Variants in GRM3 observed in about 807,000 individuals in gnomAD.
The protein encoded by GRM3 is metabotropic glutamate receptor 3.
GRM3 carries 26 observed loss-of-function variants against 70.5 expected under a neutral mutation model. The ratio of observed to expected loss-of-function variants is 0.37; its 90% CI spans 0.27 to 0.51. The LOEUF (loss-of-function observed/expected upper bound fraction) is 0.51. Among genes scored for constraint, GRM3 ranks in the 20% least tolerant of loss-of-function variants. The pLI is 0.93. For synonymous variants in GRM3, 443 were observed against 434.9 expected, an observed-to-expected ratio of 1.02 and a Z score of -0.23; for missense variants, 859 against 1,123.8, an observed-to-expected ratio of 0.76 and a Z score of 3.37.
chr7:86,692,044 C>T (rs976721184), intron 1 of GRM3, among the ~76,000 whole-genome samples: 1 of 152,134 alleles, frequency 6.6e-6, no homozygotes, highest in East Asian at 1.9e-4. Context: ...TACAAGTTAA[C>T]ATGTGATTTC....
At chr7:86,662,520 C>G (rs1423959102) in intron 1 of GRM3, among the ~76,000 whole-genome samples, 1 of 151,602 alleles carries the variant, frequency 6.6e-6, no homozygotes, top group Admixed American at 6.6e-5. Context: ...TAGTGTTTGC[C>G]TTTGTATCAC....
intron 3 of GRM3, among the ~76,000 whole-genome samples, chr7:86,834,566 G>A (rs1336141652): frequency 6.7e-6 from 1 of 149,888 alleles, no homozygotes; most frequent in Non-Finnish European, 1.5e-5. Context: ...TTCACATCCT[G>A]CACTGCTCTG....
intron 1 of GRM3, among the ~76,000 whole-genome samples, chr7:86,678,763 G>T (rs943528943): frequency 6.6e-6 from 1 of 151,974 alleles, no homozygotes; most frequent in Admixed American, 6.6e-5. Flanking sequence ...TTTCCAGAAT[G>T]GACCTTTAAG....
intron 1 of GRM3, among the ~76,000 whole-genome samples, chr7:86,747,447 A>T (rs929235854): frequency 6.6e-6 from 1 of 152,118 alleles, no homozygotes; most frequent in Non-Finnish European, 1.5e-5. Flanking sequence ...TTACATGGGC[A>T]ATGGTGATAT....
intron 3 of GRM3, among the ~76,000 whole-genome samples, chr7:86,834,162 A>G (rs573848742): frequency 5.3e-5 from 8 of 152,290 alleles, no homozygotes; most frequent in Admixed American, 3.3e-4. Flanking sequence ...TAGTTTTTAC[A>G]GGAATATAAA....
intron 3 of GRM3, among the ~76,000 whole-genome samples, chr7:86,817,868 C>T (rs1022591882): frequency 9.2e-5 from 14 of 152,000 alleles, no homozygotes; most frequent in African/African-American, 3.4e-4. Context: ...CCAGAAGCAA[C>T]TTATACCACA....
chr7:86,854,700 G>A (rs1300901994), intron 5 of GRM3, among the ~76,000 whole-genome samples: 1 of 152,106 alleles, frequency 6.6e-6, no homozygotes, highest in Non-Finnish European at 1.5e-5. Context: ...GTTTGTAACA[G>A]ACACCCCAGC....
intron 1 of GRM3, among the ~76,000 whole-genome samples, chr7:86,724,582 A>G (rs2116246135): frequency 6.6e-6 from 1 of 152,302 alleles, no homozygotes; most frequent in Non-Finnish European, 1.5e-5. Flanking sequence ...AATGAGTACC[A>G]AAATCAGCTG....
intron 3 of GRM3, among the ~76,000 whole-genome samples, chr7:86,809,025 A>T (rs1797856553): frequency 6.6e-6 from 1 of 152,092 alleles, no homozygotes; most frequent in African/African-American, 2.4e-5. Flanking sequence ...TTAAATTATG[A>T]TTATATATCA....
chr7:86,662,961 A>G (rs1251564211), intron 1 of GRM3, among the ~76,000 whole-genome samples: 1 of 152,000 alleles, frequency 6.6e-6, no homozygotes, highest in East Asian at 1.9e-4. Context: ...AAAGCAGCAC[A>G]TTAAATTTAA....
At chr7:86,681,738 A>G (rs1794446228) in intron 1 of GRM3, among the ~76,000 whole-genome samples, 2 of 152,076 alleles carry the variant, frequency 1.3e-5, no homozygotes, top group Admixed American at 1.3e-4. Flanking sequence ...ATCTCTTCAT[A>G]CTCTTATATT....
chr7:86,741,752 G>A (rs1386424176), intron 1 of GRM3, among the ~76,000 whole-genome samples: 1 of 152,078 alleles, frequency 6.6e-6, no homozygotes, highest in Non-Finnish European at 1.5e-5. Flanking sequence ...AAAATATCCA[G>A]CTCTGGAATA....
At chr7:86,823,028 G>C (rs1187156205) in intron 3 of GRM3, among the ~76,000 whole-genome samples, 1 of 152,138 alleles carries the variant, frequency 6.6e-6, no homozygotes, top group Non-Finnish European at 1.5e-5. Context: ...ATGCAATGAA[G>C]TGATGGGATG....
At chr7:86,825,781 C>T (rs1045346645) in intron 3 of GRM3, among the ~76,000 whole-genome samples, 1 of 152,156 alleles carries the variant, frequency 6.6e-6, no homozygotes, top group African/African-American at 2.4e-5. Context: ...ATTAAGTATC[C>T]TTGATACTGT....
Position 86,839,594 on chromosome 7 carries a change from G to A in GRM3, c.2080G>A (p.Gly694Ser), listed in dbSNP as rs755634477. The part of the protein sequence containing the change: ...SPSSQVFICL[G>S]LILVQIVMVS... ...CAGTTCTCAGGTTTTCATCTGCCTG[G>A]GTCTGATCCTGGTGCAAATTGTGAT... Residue 694 changes from glycine (G) to serine (S), a missense_variant, in exon 4 of 6, where the codon GGT becomes AGT. Coordinates refer to ENST00000361669, the MANE Select transcript of GRM3 (RefSeq NM_000840.3). This position sits in a 1 kb window ranked among gnomAD's most constrained non-coding sequence, Gnocchi z 4.5. The A allele has an allele frequency of 7.4e-6, 12 of 1,613,742 alleles. No homozygotes were observed. Among genetic ancestry groups the A allele is most frequent in the Non-Finnish European group, 1.0e-5 (12 of 1,179,930 alleles).
intron 1 of GRM3, among the ~76,000 whole-genome samples, chr7:86,689,686 G>A (rs552493007): frequency 3.3e-5 from 5 of 152,142 alleles, no homozygotes; most frequent in African/African-American, 1.2e-4. Flanking sequence ...ATAGCTATAA[G>A]AAGTAACTTT....
intron 3 of GRM3, among the ~76,000 whole-genome samples, chr7:86,793,214 C>A (rs1797465471): frequency 6.6e-6 from 1 of 152,064 alleles, no homozygotes; most frequent in Non-Finnish European, 1.5e-5. Context: ...CCAATAGGAA[C>A]AAGGTTCACT....
At chr7:86,821,547 C>A (rs560730410) in intron 3 of GRM3, among the ~76,000 whole-genome samples, 1 of 152,098 alleles carries the variant, frequency 6.6e-6, no homozygotes, top group Non-Finnish European at 1.5e-5. Context: ...GTAAACAAGA[C>A]GCGAAAAATG....
intron 3 of GRM3, among the ~76,000 whole-genome samples, chr7:86,837,779 C>A (rs1272707138): frequency 6.6e-6 from 1 of 152,116 alleles, no homozygotes; most frequent in Non-Finnish European, 1.5e-5. Context: ...GAGAAATAAA[C>A]AATTTGGGGT....
Sources: allele counts gnomAD v4.1 joint callset (sites outside exome capture counted in the v4.1 genomes callset), GRCh38; gene constraint gnomAD v4.1.1; non-coding constraint Gnocchi (gnomAD v3.1); transcripts MANE v1.5; gene names NCBI Gene and HGNC (gene_info 2026-07-23, HGNC 2026-07-21).